The following PDE1A variants were observed in gnomAD, a reference collection of about 807,000 sequenced individuals.
The protein encoded by PDE1A is phosphodiesterase 1A, also known as dual specificity calcium/calmodulin-dependent 3',5'-cyclic nucleotide phosphodiesterase 1A.
PDE1A carries 35 observed loss-of-function variants against 61.7 expected under a neutral mutation model. That is an observed-to-expected ratio of 0.57 (90% CI 0.43 to 0.75). PDE1A has a LOEUF of 0.75. Ranked by LOEUF, PDE1A falls within the 30% of genes least tolerant of loss-of-function variation. The pLI is 0.00. For missense variants in PDE1A, 597 were observed against 630.6 expected, an observed-to-expected ratio of 0.95 and a Z score of 0.57; for synonymous variants, 232 against 213.2, an observed-to-expected ratio of 1.09 and a Z score of -0.77.
intron 1 of PDE1A, among the ~76,000 whole-genome samples, chr2:182,270,947 G>A (rs148507440): frequency 3.1e-4 from 47 of 151,748 alleles, no homozygotes; most frequent in African/African-American, 1.0e-3. Flanking sequence ...TAAAATGCAG[G>A]GTTTATGGAC....
chr2:182,201,469 G>A, exon 10 of PDE1A: 1 of 1,613,956 alleles, frequency 6.2e-7, no homozygotes, highest in Non-Finnish European at 8.5e-7. Flanking sequence ...TTAGGGCCAT[G>A]GTCCACCGAT....
intron 2 of PDE1A, among the ~76,000 whole-genome samples, chr2:182,479,543 G>A (rs1422585966): frequency 6.8e-6 from 1 of 148,010 alleles, no homozygotes; most frequent in East Asian, 1.9e-4. Flanking sequence ...AGGAAGACAG[G>A]CAGGAAGGAA....
chr2:182,358,195 G>A (rs758519372), intron 1 of PDE1A, among the ~76,000 whole-genome samples: 7 of 152,016 alleles, frequency 4.6e-5, no homozygotes, highest in East Asian at 1.9e-4. Context: ...CATAGTGTTC[G>A]TATGTTAGGG....
intron 13 of PDE1A, among the ~76,000 whole-genome samples, chr2:182,151,039 A>G (rs1690749396): frequency 6.6e-6 from 1 of 152,186 alleles, no homozygotes; most frequent in African/African-American, 2.4e-5. Context: ...GGCAGACACT[A>G]TTCTAAGTGC....
rs192436108 is a variant in PDE1A, at chr2:182,400,293, T to A, written c.53+26285A>T. ...ATTTTCCTTTATCTTTTCCCAATTG[T>A]TGTCTCAAGTTAGCAACCTTTCTGA... On this transcript the variant is annotated intron_variant, in intron 1 of 13. Coordinates refer to ENST00000351439, the Ensembl canonical transcript of PDE1A. Among the ~76,000 whole-genome samples, 1,311 of 152,320 alleles carry A rather than the reference T, an allele frequency of 8.6e-3. 12 individuals carry two copies. Among genetic ancestry groups the A allele is most frequent in the Non-Finnish European group, 0.014 (968 of 68,016 alleles).
chr2:182,423,150 G>C (rs1480415416), intron 1 of PDE1A, among the ~76,000 whole-genome samples: 2 of 152,088 alleles, frequency 1.3e-5, no homozygotes, highest in African/African-American at 2.4e-5. Flanking sequence ...TCCTGCCTTG[G>C]CCATAAAAGA....
chr2:182,683,596 C>G, the PDE1A span, among the ~76,000 whole-genome samples: 1 of 152,122 alleles, frequency 6.6e-6, no homozygotes, highest in East Asian at 1.9e-4. Flanking sequence ...ATACAAACTA[C>G]AGAAACAATA....
At chr2:182,656,785 T>C in the PDE1A span, among the ~76,000 whole-genome samples, 1 of 152,254 alleles carries the variant, frequency 6.6e-6, no homozygotes, top group Non-Finnish European at 1.5e-5. Context: ...TCTCATTTAA[T>C]TTTTAAGTAT....
chr2:182,251,325 T>C (rs572423595), intron 2 of PDE1A, among the ~76,000 whole-genome samples: 1 of 152,330 alleles, frequency 6.6e-6, no homozygotes, highest in African/African-American at 2.4e-5. Flanking sequence ...CATTTACAAC[T>C]TGGAACAACA....
At chr2:182,707,007 C>G in the PDE1A span, among the ~76,000 whole-genome samples, 1 of 152,202 alleles carries the variant, frequency 6.6e-6, no homozygotes, top group Non-Finnish European at 1.5e-5. Context: ...TTGTGCCCCA[C>G]AGGATTCTTT....
At chr2:182,684,440 C>T in the PDE1A span, among the ~76,000 whole-genome samples, 1 of 152,214 alleles carries the variant, frequency 6.6e-6, no homozygotes, top group African/African-American at 2.4e-5. Context: ...GTTTATTACT[C>T]TGCTTTGAAG....
intron 1 of PDE1A, among the ~76,000 whole-genome samples, chr2:182,282,847 A>T (rs1693902514): frequency 6.6e-6 from 1 of 152,006 alleles, no homozygotes; most frequent in African/African-American, 2.4e-5. Flanking sequence ...AACTTCCTTA[A>T]TGTTCACAAA....
the PDE1A span, among the ~76,000 whole-genome samples, chr2:182,535,084 T>C: frequency 1.3e-5 from 2 of 151,290 alleles, no homozygotes; most frequent in African/African-American, 4.8e-5. Context: ...TATTTTTTTA[T>C]ATATAAGTAC....
the PDE1A span, among the ~76,000 whole-genome samples, chr2:182,645,062 C>T: frequency 0.61 from 91,966 of 149,700 alleles, 28,510 homozygotes; most frequent in Admixed American, 0.71. Context: ...CTCCACTCAC[C>T]GCAAGCTCAG....
intron 10 of PDE1A, among the ~76,000 whole-genome samples, chr2:182,192,756 C>T (rs1449584494): frequency 6.6e-6 from 1 of 152,008 alleles, no homozygotes; most frequent in South Asian, 2.1e-4. Context: ...GTTCTCAGGC[C>T]CCACAGCTTA....
the PDE1A span, among the ~76,000 whole-genome samples, chr2:182,663,211 G>A: frequency 6.6e-6 from 1 of 152,132 alleles, no homozygotes; most frequent in East Asian, 1.9e-4. Context: ...AGAGAAAAAG[G>A]AACACTTATA....
At chr2:182,294,217 C>A (rs1357366972) in intron 1 of PDE1A, among the ~76,000 whole-genome samples, 1 of 152,052 alleles carries the variant, frequency 6.6e-6, no homozygotes, top group African/African-American at 2.4e-5. Context: ...GAAAGTGAAA[C>A]CTTGGATGAG....
At chr2:182,448,017 C>G (rs1685254548) in intron 2 of PDE1A, among the ~76,000 whole-genome samples, 1 of 152,060 alleles carries the variant, frequency 6.6e-6, no homozygotes, top group African/African-American at 2.4e-5. Flanking sequence ...GATCTTGTTT[C>G]ACAACCCTGG....
chr2:182,368,765 C>T (rs1332930759), intron 1 of PDE1A, among the ~76,000 whole-genome samples: 1 of 152,090 alleles, frequency 6.6e-6, no homozygotes, highest in East Asian at 1.9e-4. Context: ...CTCTCTGAGA[C>T]TCATTTTCCA....
Sources: gnomAD v4.1 joint callset for allele counts (sites outside exome capture counted in the v4.1 genomes callset) on GRCh38, gnomAD v4.1.1 for gene constraint, MANE v1.5 for transcripts, NCBI Gene and HGNC (gene_info 2026-07-23, HGNC 2026-07-21) for gene names.